Variants in MTRF1 observed in about 807,000 individuals in gnomAD.
MTRF1 encodes peptide chain release factor 1, mitochondrial.
MTRF1 carries 51 observed loss-of-function variants against 62.9 expected under a neutral mutation model. The observed-to-expected ratio is 0.81, with a 90% CI of 0.65 to 1.02. The LOEUF is 1.02. MTRF1 is among the 50% of genes least tolerant of loss of function. The probability of loss-of-function intolerance (pLI) is 0.00; values close to 1 mark genes in which losing one functional copy is unlikely to be tolerated. For missense variants in MTRF1, 446 were observed against 530.0 expected (o/e 0.84, Z 1.56); for synonymous variants, 158 against 181.9 (o/e 0.87, Z 1.06).
At position 41,260,924 on chromosome 13, in the gene MTRF1, C is replaced by A. The variant is rs747244726; in HGVS notation, c.-8-9G>T. 2 of 1,540,752 alleles carry A rather than the reference C, an allele frequency of 1.3e-6. No homozygotes were observed. Among genetic ancestry groups the A allele is most frequent in the Non-Finnish European group, 1.7e-6 (2 of 1,149,186 alleles). On this transcript the variant is annotated splice_polypyrimidine_tract_variant and intron_variant, in intron 1 of 9. Transcript: ENST00000379480. ...ACGATTCATCTCAGCATCTGAAATACAATAAACACAGTCTTTAAAAAAAAA... is the reference window on the plus strand; with the variant it reads ...ACGATTCATCTCAGCATCTGAAATAAAATAAACACAGTCTTTAAAAAAAAA...
At chr13:41,254,490 T>A in intron 3 of MTRF1, 39 bp downstream of exon 3, 1 of 1,466,274 alleles carries the variant, frequency 6.8e-7, no homozygotes, top group Non-Finnish European at 9.5e-7. Flanking sequence ...CATTCCTTTA[T>A]ACAGCACTAT....
chr13:41,261,873 G>T, intron 1 of MTRF1: 2 of 691,382 alleles, frequency 2.9e-6, no homozygotes, highest in Non-Finnish European at 3.6e-6. Flanking sequence ...AAGTAGGGCT[G>T]GTGAAAAGCT....
chr13:41,302,488 T>C, the MTRF1 span, among the ~76,000 whole-genome samples: 1 of 151,944 alleles, frequency 6.6e-6, no homozygotes, highest in African/African-American at 2.4e-5. Flanking sequence ...TGTGCCCCAA[T>C]ACAGGGAAGA....
chr13:41,219,061 C>T (rs1248654653), intron 9 of MTRF1, among the ~76,000 whole-genome samples: 2 of 147,870 alleles, frequency 1.4e-5, no homozygotes, highest in Admixed American at 6.9e-5. Context: ...AAGGCTGACG[C>T]GGGCAGATCA....
chr13:41,256,879 T>C (rs1215507623), intron 2 of MTRF1, among the ~76,000 whole-genome samples: 1 of 152,112 alleles, frequency 6.6e-6, no homozygotes, highest in Admixed American at 6.6e-5. Context: ...CTGCAGAAGA[T>C]AGAAAAATGA....
At chr13:41,288,387 C>T in the MTRF1 span, 1 of 199,756 alleles carries the variant, frequency 5.0e-6, no homozygotes, top group Non-Finnish European at 1.0e-5. Flanking sequence ...GGGATAGAAG[C>T]ATGGTAGGCA....
At chr13:41,238,881 G>A (rs1288974770) in intron 6 of MTRF1, among the ~76,000 whole-genome samples, 1 of 152,136 alleles carries the variant, frequency 6.6e-6, no homozygotes, top group Non-Finnish European at 1.5e-5. Flanking sequence ...AATGGAACAT[G>A]TAGATATAAC....
intron 2 of MTRF1, 91 bp downstream of exon 2, chr13:41,260,402 A>T: frequency 8.2e-7 from 1 of 1,221,238 alleles, no homozygotes. Flanking sequence ...TTAACTTAGA[A>T]AATCAAATCT....
chr13:41,305,377 T>C, the MTRF1 span, among the ~76,000 whole-genome samples: 1 of 152,154 alleles, frequency 6.6e-6, no homozygotes, highest in Non-Finnish European at 1.5e-5. Flanking sequence ...TTTAAAAAAT[T>C]AAATCATCAG....
chr13:41,242,697 T>C (rs931898162), intron 5 of MTRF1, among the ~76,000 whole-genome samples: 4 of 152,092 alleles, frequency 2.6e-5, no homozygotes, highest in African/African-American at 9.7e-5. Flanking sequence ...TTGGAAATAA[T>C]GTGTCCCTCC....
the MTRF1 span, among the ~76,000 whole-genome samples, chr13:41,294,049 T>C: frequency 1.1e-4 from 17 of 152,224 alleles, no homozygotes; most frequent in Admixed American, 1.0e-3. Context: ...AAAATTGTAA[T>C]CAATATATAG....
upstream of MTRF1, among the ~76,000 whole-genome samples, chr13:41,265,404 A>G (rs1387580291): frequency 1.3e-5 from 2 of 151,954 alleles, no homozygotes; most frequent in African/African-American, 4.8e-5. Context: ...CTGGGCAACA[A>G]GAGTGAAACT....
chr13:41,228,316 C>T (rs966407712), intron 7 of MTRF1, among the ~76,000 whole-genome samples: 1 of 152,146 alleles, frequency 6.6e-6, no homozygotes, highest in Admixed American at 6.5e-5. Flanking sequence ...CCGGCAACCC[C>T]AGCACTTTGG....
chr13:41,217,621 T>TA (rs138175759), intron 9 of MTRF1, among the ~76,000 whole-genome samples: 239 of 149,106 alleles, frequency 1.6e-3, no homozygotes, highest in African/African-American at 4.9e-3. Flanking sequence ...TATTGTACCC[T>TA]AAAAAAAAAA....
At chr13:41,294,239 G>A in the MTRF1 span, among the ~76,000 whole-genome samples, 2 of 151,976 alleles carry the variant, frequency 1.3e-5, no homozygotes, top group South Asian at 2.1e-4. Context: ...CCAACATGGT[G>A]AAACCCCGTC....
intron 8 of MTRF1, among the ~76,000 whole-genome samples, chr13:41,226,106 T>TA (rs1217353424): frequency 1.3e-5 from 2 of 152,204 alleles, no homozygotes; most frequent in Non-Finnish European, 2.9e-5. Flanking sequence ...TTTTTAGAAA[T>TA]AAAAAACGTT....
In MTRF1 at chr13:41,217,129, T is replaced by G. The variant is rs1408151333; in HGVS notation, c.1324A>C (p.Lys442Gln). 1 of 1,601,116 alleles carries G rather than the reference T, an allele frequency of 6.2e-7. No homozygotes were observed. Among genetic ancestry groups the G allele is most frequent in the South Asian group, 1.1e-5 (1 of 88,852 alleles). Reference sequence around the variant, plus strand: ...TAAGTTAGTATTTATTTTGCTGATTTAAGGTGTTCATCCAAAAGTTCAGCA... The same window carrying G: ...TAAGTTAGTATTTATTTTGCTGATTGAAGGTGTTCATCCAAAAGTTCAGCA... ...AIAELLDEHL[K>Q]SAK Residue 442 changes from lysine (K) to glutamine (Q), a missense_variant, in exon 10 of 10, where the codon AAA becomes CAA. Coordinates refer to ENST00000379480, the MANE Select transcript of MTRF1 (RefSeq NM_004294.4).
the MTRF1 span, among the ~76,000 whole-genome samples, chr13:41,294,148 T>C: frequency 1.3e-5 from 2 of 151,984 alleles, no homozygotes; most frequent in East Asian, 1.9e-4. Flanking sequence ...GGCTGGGCAC[T>C]GTGGCTTATA....
chr13:41,306,935 A>C, the MTRF1 span, among the ~76,000 whole-genome samples: 5 of 152,358 alleles, frequency 3.3e-5, no homozygotes, highest in African/African-American at 1.2e-4. Context: ...ACACATTATC[A>C]TGTTATTATA....
Sources: gnomAD v4.1 joint callset for allele counts (sites outside exome capture counted in the v4.1 genomes callset) on GRCh38, gnomAD v4.1.1 for gene constraint, MANE v1.5 for transcripts, NCBI Gene and HGNC (gene_info 2026-07-23, HGNC 2026-07-21) for gene names.